TRMT9B: variants seen among roughly 807,000 people sequenced by gnomAD.
TRMT9B encodes tRNA methyltransferase 9B (putative).
A neutral mutation model predicts 11.5 loss-of-function variants in TRMT9B; 16 were observed. The ratio of observed to expected loss-of-function variants is 1.39; its 90% CI spans 0.94 to 2.11. The LOEUF (loss-of-function observed/expected upper bound fraction) is 2.11. Ranked by LOEUF, TRMT9B falls within the 30% of genes most tolerant of loss-of-function variation. The probability of loss-of-function intolerance (pLI) is 0.00; values close to 1 mark genes in which losing one functional copy is unlikely to be tolerated. For missense variants in TRMT9B, 941 were observed against 553.8 expected, an observed-to-expected ratio of 1.70 and a Z score of -7.02; for synonymous variants, 274 against 192.4, an observed-to-expected ratio of 1.42 and a Z score of -3.51.
At position 12,945,674 on chromosome 8, in the gene TRMT9B, T is replaced by C. The variant is rs1800231913; in HGVS notation, c.-492T>C. 6.6e-6 allele frequency: 1 copy of C among 152,234 alleles called. No homozygotes were observed. Among genetic ancestry groups the C allele is most frequent in the South Asian group, 2.1e-4 (1 of 4,830 alleles). 9.4% of individuals were successfully genotyped at this position (152,234 alleles called of 1,614,324 possible). On this transcript the variant is annotated 5_prime_UTR_variant, in exon 1 of 5. Transcript: ENST00000524591. The stretch of plus-strand genomic sequence containing the variant: ...GAGGGAACATCCGGTGTGTGTTTTA[T>C]TCAGTATTGTGTAGTACAGAAAAGA...
At chr8:12,951,686 G>A (rs1800636611) in intron 1 of TRMT9B, 1 of 151,976 alleles carries the variant, frequency 6.6e-6, no homozygotes, top group African/African-American at 2.4e-5. Context: ...GCCGCCTCCC[G>A]AAAGGTGAAG....
chr8:13,005,622 T>A (rs1267820182), intron 2 of TRMT9B, among the ~76,000 whole-genome samples: 1 of 152,170 alleles, frequency 6.6e-6, no homozygotes, highest in African/African-American at 2.4e-5. Context: ...TCCTATATTT[T>A]ACAAAAATAA....
intron 3 of TRMT9B, chr8:13,012,180 C>T: frequency 1.0e-6 from 1 of 985,278 alleles, no homozygotes; most frequent in African/African-American, 1.7e-5. Context: ...TATTGCCTTT[C>T]TCTCTTCTAT....
chr8:13,009,895 T>A (rs2947394), intron 3 of TRMT9B, among the ~76,000 whole-genome samples: 1 of 152,134 alleles, frequency 6.6e-6, no homozygotes, highest in East Asian at 1.9e-4. Flanking sequence ...TTGGGAGGTG[T>A]GGCGGGCAGA....
rs563420633 is a variant in TRMT9B at position 12,966,823 on chromosome 8, A to T, written c.-200+20857A>T. Among the ~76,000 whole-genome samples, 35 of 152,290 alleles carry T rather than the reference A, an allele frequency of 2.3e-4. No individual in the cohort carries two copies. In the South Asian group the frequency reaches 2.7e-3, roughly 12 times the overall value. ...CTGAGCTTCGTAGGGTTTGTTGAGG[A>T]GCTGGGTGCAGTGGGGAAGTCTGCA... On this transcript the variant is annotated intron_variant, in intron 1 of 4. Transcript: ENST00000524591.
At chr8:12,952,426 G>T in intron 1 of TRMT9B, 1 of 305,678 alleles carries the variant, frequency 3.3e-6, no homozygotes, top group South Asian at 2.4e-5. Flanking sequence ...AAACAGCCTT[G>T]CAATACGATC....
At chr8:12,947,119 C>T (rs1462756277) in intron 1 of TRMT9B, among the ~76,000 whole-genome samples, 1 of 152,200 alleles carries the variant, frequency 6.6e-6, no homozygotes, top group Non-Finnish European at 1.5e-5. Context: ...CTCTTTGATT[C>T]TCAGTCCATT....
intron 2 of TRMT9B, among the ~76,000 whole-genome samples, chr8:13,005,834 T>G (rs182796631): frequency 6.6e-6 from 1 of 152,350 alleles, no homozygotes; most frequent in East Asian, 1.9e-4. Flanking sequence ...CTACCTGTTA[T>G]GAAATTTTGA....
At chr8:13,020,107 G>A (rs1006202990) in intron 4 of TRMT9B, among the ~76,000 whole-genome samples, 4 of 152,100 alleles carry the variant, frequency 2.6e-5, no homozygotes, top group African/African-American at 9.7e-5. Flanking sequence ...ACTAACAGTT[G>A]GATTATTTTG....
Position 13,025,097 on chromosome 8 carries a change from C to G in TRMT9B, c.*3053C>G, listed in dbSNP as rs927391505. ...CTAGCTGGAGTAATCTGATCACTTA[C>G]TTCCTTATTAATACTAGATCACACA... On this transcript the variant is annotated 3_prime_UTR_variant, in exon 5 of 5. Transcript: ENST00000524591. 1.2e-5 allele frequency: 2 copies of G among 166,800 alleles called. No homozygotes were observed. Among genetic ancestry groups the G allele is most frequent in the African/African-American group, 4.8e-5 (2 of 41,242 alleles). 10.3% of individuals were successfully genotyped at this position (166,800 alleles called of 1,614,324 possible).
intron 1 of TRMT9B, chr8:12,961,899 C>A (rs10100193): frequency 0.32 from 48,011 of 151,926 alleles, 9,159 homozygotes; most frequent in Middle Eastern, 0.48. Flanking sequence ...TTTTAGCAGG[C>A]GAGGAGAATA....
At chr8:12,973,822 G>A (rs867448165) in intron 1 of TRMT9B, among the ~76,000 whole-genome samples, 8 of 152,194 alleles carry the variant, frequency 5.3e-5, no homozygotes, top group Middle Eastern at 6.8e-3. Flanking sequence ...AGTTCCCACC[G>A]TGCCCAGAGA....
At chr8:13,006,036 G>A (rs1226808562) in intron 2 of TRMT9B, among the ~76,000 whole-genome samples, 166 bp from the exon 3 acceptor site, 1 of 152,188 alleles carries the variant, frequency 6.6e-6, no homozygotes, top group African/African-American at 2.4e-5. Context: ...GGCTACTATG[G>A]CGAGGTTATA....
intron 2 of TRMT9B, among the ~76,000 whole-genome samples, chr8:13,005,509 C>A (rs1358264299): frequency 6.6e-6 from 1 of 152,134 alleles, no homozygotes; most frequent in Non-Finnish European, 1.5e-5. Context: ...ATTATTACGC[C>A]TTGCATGCCT....
intron 1 of TRMT9B, among the ~76,000 whole-genome samples, chr8:12,978,801 C>T (rs374577632): frequency 2.6e-5 from 4 of 152,324 alleles, no homozygotes; most frequent in African/African-American, 7.2e-5. Context: ...TGCATTCAGT[C>T]GCCCAGGTTG....
intron 1 of TRMT9B, among the ~76,000 whole-genome samples, chr8:12,973,721 G>T (rs6993949): frequency 0.062 from 9,442 of 152,148 alleles, 352 homozygotes; most frequent in African/African-American, 0.11. Context: ...GAAAACTGCT[G>T]GTGAAAGGAC....
intron 3 of TRMT9B, among the ~76,000 whole-genome samples, chr8:13,009,667 T>A (rs957174409): frequency 4.6e-5 from 7 of 152,194 alleles, no homozygotes; most frequent in African/African-American, 7.2e-5. Flanking sequence ...AAAACAATTA[T>A]AATTATACAC....
chr8:12,963,012 T>C (rs1802336451), intron 1 of TRMT9B, among the ~76,000 whole-genome samples: 1 of 152,352 alleles, frequency 6.6e-6, no homozygotes, highest in African/African-American at 2.4e-5. Flanking sequence ...CCCAGTCCGC[T>C]GAGTATTATG....
rs192500625 is a variant in TRMT9B at position 13,006,218 on chromosome 8, G to A, written c.16G>A (p.Ala6Thr). Reference sequence around the variant, plus strand: ...TTTCTCCAGGATGGATCATGAAGCCGCCCAGCTGGAGAAGCAGCATGTGCA... The same window carrying A: ...TTTCTCCAGGATGGATCATGAAGCCACCCAGCTGGAGAAGCAGCATGTGCA... MDHEA[A>T]QLEKQHVHNV... The change falls in exon 3 of 5, where the codon GCC (alanine) becomes ACC (threonine). Residue 6 changes from alanine to threonine, a missense_variant. Ala to Thr is a moderately conservative substitution (Grantham distance 58). Coordinates refer to ENST00000524591, the MANE Select transcript of TRMT9B (RefSeq NM_020844.3). The A allele has an allele frequency of 6.8e-5, 109 of 1,613,838 alleles. No individual in the cohort carries two copies. Among genetic ancestry groups the A allele is most frequent in the Middle Eastern group, 1.6e-4 (1 of 6,062 alleles).
Sources: gnomAD v4.1 joint callset for allele counts (sites outside exome capture counted in the v4.1 genomes callset) on GRCh38, gnomAD v4.1.1 for gene constraint, MANE v1.5 for transcripts, NCBI Gene and HGNC (gene_info 2026-07-23, HGNC 2026-07-21) for gene names.